C1GALT1: variants seen among roughly 807,000 people sequenced by gnomAD.
C1GALT1 encodes the protein glycoprotein-N-acetylgalactosamine 3-beta-galactosyltransferase 1.
C1GALT1 carries 11 observed loss-of-function variants against 31.0 expected under a neutral mutation model. The ratio of observed to expected loss-of-function variants is 0.36; its 90% CI spans 0.22 to 0.59. C1GALT1 has a LOEUF of 0.59. Ranked by LOEUF, C1GALT1 falls within the 20% of genes least tolerant of loss-of-function variation. The pLI is 0.79. For synonymous variants in C1GALT1, 175 were observed against 143.6 expected (o/e 1.22, Z -1.56); for missense variants, 424 against 425.2 (o/e 1.00, Z 0.03).
intron 1 of C1GALT1, among the ~76,000 whole-genome samples, chr7:7,188,309 G>A (rs1780908634): frequency 6.6e-6 from 1 of 152,140 alleles, no homozygotes; most frequent in Non-Finnish European, 1.5e-5. Context: ...GGTAAAATGA[G>A]CAGAGGAAAG....
intron 1 of C1GALT1, among the ~76,000 whole-genome samples, chr7:7,233,498 C>T (rs1216181033): frequency 2.6e-5 from 4 of 152,198 alleles, no homozygotes; most frequent in Non-Finnish European, 5.9e-5. Context: ...GTCTCAAGCT[C>T]CTGACTTCAA....
intron 1 of C1GALT1, among the ~76,000 whole-genome samples, chr7:7,203,322 C>T (rs1010062774): frequency 2.0e-5 from 3 of 151,988 alleles, no homozygotes; most frequent in African/African-American, 7.2e-5. Context: ...ACCATTTGAT[C>T]TTAAAGGAAA....
In C1GALT1 at chr7:7,247,708, C is replaced by T. The variant is rs146975871; in HGVS notation, c.*3981C>T. 58 of 152,140 alleles carry T rather than the reference C, an allele frequency of 3.8e-4. No individual in the cohort carries two copies. The highest frequency in any genetic ancestry group is 1.4e-3 in the African/African-American group (58 of 41,562). The allele number at this position is 152,140 out of a possible 1,614,324, so 9.4% of individuals were successfully genotyped here. A position where few individuals can be genotyped will look rare whatever the true frequency, so the allele number is the denominator to read the frequency against. The stretch of plus-strand genomic sequence containing the variant: ...TTAGACTATAATTCTTTGACAGTTT[C>T]TGCCTGGTGTTTATTGCCCTTCTTT... On this transcript the variant is annotated 3_prime_UTR_variant, in exon 4 of 4. Coordinates refer to ENST00000436587, the MANE Select transcript of C1GALT1 (RefSeq NM_020156.5).
intron 2 of C1GALT1, among the ~76,000 whole-genome samples, chr7:7,177,512 C>T (rs2075512896): frequency 1.3e-5 from 2 of 152,216 alleles, no homozygotes; most frequent in South Asian, 4.1e-4. Flanking sequence ...ATATACTCAG[C>T]CACAGTTACA....
At chr7:7,232,715 C>A (rs553610057) in intron 1 of C1GALT1, among the ~76,000 whole-genome samples, 1 of 152,060 alleles carries the variant, frequency 6.6e-6, no homozygotes, top group Admixed American at 6.5e-5. Context: ...GTCTTGAACT[C>A]CTGACCTCAG....
chr7:7,238,930 T>C lies in C1GALT1; in HGVS notation c.888+8T>C, dbSNP rs1783495306. ...TATTATCCTCCTGTAGAGGTAAGTT[T>C]AGAAATTTTATTACTATGTCAATAC... On this transcript the variant is annotated splice_region_variant and intron_variant, in intron 3 of 3. Transcript: ENST00000436587. The surrounding 1 kb of genome is among the most constrained non-coding windows in gnomAD (Gnocchi z 5.2). 2 of 1,587,966 alleles carry C rather than the reference T, an allele frequency of 1.3e-6. No individual in the cohort carries two copies. Among genetic ancestry groups the C allele is most frequent in the African/African-American group, 2.7e-5 (2 of 73,446 alleles).
At chr7:7,177,970 A>G (rs1780522892), upstream of C1GALT1, 3 of 214,824 alleles carry the variant, frequency 1.4e-5, no homozygotes, top group Non-Finnish European at 3.0e-5. Context: ...AATCAGTGAT[A>G]AAACTGGGGG....
At chr7:7,164,505 T>C (rs1780372219) in intron 2 of C1GALT1, among the ~76,000 whole-genome samples, 1 of 152,174 alleles carries the variant, frequency 6.6e-6, no homozygotes, top group African/African-American at 2.4e-5. Flanking sequence ...AAACAGACTC[T>C]GAAATGGAGA....
intron 1 of C1GALT1, among the ~76,000 whole-genome samples, chr7:7,211,933 T>A (rs1387940807): frequency 1.3e-5 from 2 of 152,224 alleles, no homozygotes; most frequent in Non-Finnish European, 2.9e-5. Context: ...GACAAATGTA[T>A]GATAAGCTTT....
intron 1 of C1GALT1, among the ~76,000 whole-genome samples, chr7:7,192,714 C>T (rs1173637844): frequency 6.6e-6 from 1 of 152,014 alleles, no homozygotes; most frequent in Non-Finnish European, 1.5e-5. Context: ...CTTTTGGTTC[C>T]TTAAGGAATC....
intron 2 of C1GALT1, among the ~76,000 whole-genome samples, chr7:7,170,161 A>G (rs576329016): frequency 3.9e-5 from 6 of 152,148 alleles, no homozygotes; most frequent in Non-Finnish European, 2.9e-5. Flanking sequence ...AATTTTAATC[A>G]TTTGTGTCTT....
intron 2 of C1GALT1, chr7:7,234,773 G>C (rs1056289454): frequency 2.7e-6 from 1 of 369,866 alleles, no homozygotes; most frequent in African/African-American, 2.1e-5. Context: ...ATTTGGGGAA[G>C]GGCATAACTA....
chr7:7,233,475 G>A (rs1783185823), intron 1 of C1GALT1, among the ~76,000 whole-genome samples: 1 of 152,078 alleles, frequency 6.6e-6, no homozygotes, highest in Non-Finnish European at 1.5e-5. Flanking sequence ...TTTTTACCAT[G>A]TTGTCCAGGC....
At chr7:7,184,900 G>C (rs1780744910) in intron 1 of C1GALT1, among the ~76,000 whole-genome samples, 1 of 152,226 alleles carries the variant, frequency 6.6e-6, no homozygotes, top group Non-Finnish European at 1.5e-5. Context: ...GTGGGATTAA[G>C]TCATTCTTTT....
intron 1 of C1GALT1, among the ~76,000 whole-genome samples, chr7:7,197,494 T>C (rs539577812): frequency 0.031 from 4,655 of 151,396 alleles, 157 homozygotes; most frequent in African/African-American, 0.084. Flanking sequence ...CAGCTTTGTT[T>C]TTTTGGCTTA....
At chr7:7,195,512 T>C (rs1394828439) in intron 1 of C1GALT1, among the ~76,000 whole-genome samples, 1 of 152,236 alleles carries the variant, frequency 6.6e-6, no homozygotes, top group East Asian at 1.9e-4. Flanking sequence ...GATTTCCAAT[T>C]TTATTCCACT....
chr7:7,216,462 C>T (rs930134233), intron 1 of C1GALT1, among the ~76,000 whole-genome samples: 1 of 152,090 alleles, frequency 6.6e-6, no homozygotes, highest in African/African-American at 2.4e-5. Context: ...TCTTTGACTT[C>T]CTAGAACCAG....
upstream of C1GALT1, among the ~76,000 whole-genome samples, chr7:7,181,887 G>A (rs1048709527): frequency 2.2e-4 from 33 of 152,140 alleles, 1 homozygote; most frequent in African/African-American, 7.2e-4. Flanking sequence ...CTATTCCAAA[G>A]ACAACTTCCT....
chr7:7,186,375 T>A (rs1385406485), intron 1 of C1GALT1, among the ~76,000 whole-genome samples: 1 of 152,140 alleles, frequency 6.6e-6, no homozygotes, highest in Non-Finnish European at 1.5e-5. Flanking sequence ...TAGGCAAAAA[T>A]CTCTGTCCTC....
Sources: allele counts gnomAD v4.1 joint callset (sites outside exome capture counted in the v4.1 genomes callset), GRCh38; gene constraint gnomAD v4.1.1; non-coding constraint Gnocchi (gnomAD v3.1); transcripts MANE v1.5; gene names NCBI Gene and HGNC (gene_info 2026-07-23, HGNC 2026-07-21).